Variants in TENM1 observed in about 807,000 individuals in gnomAD.
TENM1 encodes teneurin transmembrane protein 1, also known as teneurin-1.
TENM1 carries 35 observed loss-of-function variants against 174.8 expected under a neutral mutation model. The ratio of observed to expected loss-of-function variants is 0.20; its 90% confidence interval spans 0.15 to 0.27. TENM1 has a LOEUF of 0.27. TENM1 is among the 10% of genes least tolerant of loss of function. TENM1 has a pLI of 1.00. For synonymous variants in TENM1, 781 were observed against 798.7 expected, an observed-to-expected ratio of 0.98 and a Z score of 0.37; for missense variants, 1,633 against 2,130.1, an observed-to-expected ratio of 0.77 and a Z score of 4.59.
At chrX:124,547,540 C>A (rs1233546115) in intron 14 of TENM1, among the ~76,000 whole-genome samples, 1 of 111,945 alleles carries the variant, frequency 8.9e-6, no homozygotes, top group African/African-American at 3.2e-5. Context: ...AAAAAATCCT[C>A]CCAATATTGT....
chrX:124,936,003 G>T (rs2058239516), intron 1 of TENM1, among the ~76,000 whole-genome samples: 1 of 111,641 alleles, frequency 9.0e-6, no homozygotes. Context: ...GCAGTAACTT[G>T]ATAACTGATT....
exon 5 of TENM1, chrX:124,705,168 A>C (rs2052869496): frequency 1.7e-6 from 2 of 1,211,422 alleles, no homozygotes; most frequent in East Asian, 5.9e-5. Flanking sequence ...GGGCGAGTAC[A>C]CGGTATTGGA....
intron 3 of TENM1, among the ~76,000 whole-genome samples, chrX:124,891,576 T>A (rs959585313): frequency 1.8e-5 from 2 of 109,436 alleles, no homozygotes; most frequent in African/African-American, 6.7e-5. Context: ...GGAGAATCAT[T>A]TGAACCCAGG....
At chrX:124,977,426 TTGA>T in the TENM1 span, among the ~76,000 whole-genome samples, 18 of 111,762 alleles carry the variant, frequency 1.6e-4, no homozygotes, top group Admixed American at 2.9e-4. Context: ...GTTTTTGTTG[TTGA>T]TATGTTTACT....
chrX:124,599,645 C>T (rs1012053047), intron 11 of TENM1, among the ~76,000 whole-genome samples: 5 of 111,040 alleles, frequency 4.5e-5, no homozygotes, highest in African/African-American at 1.3e-4. Flanking sequence ...GAGTTTTCCA[C>T]GATTAGGAGT....
exon 5 of TENM1, chrX:124,705,025 C>G: frequency 8.3e-7 from 1 of 1,205,111 alleles, no homozygotes; most frequent in Non-Finnish European, 1.1e-6. Flanking sequence ...ATCACATAGG[C>G]TAGTAACAAG....
the TENM1 span, among the ~76,000 whole-genome samples, chrX:124,991,411 T>C: frequency 2.7e-5 from 3 of 110,351 alleles, no homozygotes; most frequent in African/African-American, 9.9e-5. Context: ...CACTAAAGGC[T>C]AGCTATGCCC....
At chrX:124,418,597 G>A (rs1294511948) in intron 25 of TENM1, among the ~76,000 whole-genome samples, 1 of 111,533 alleles carries the variant, frequency 9.0e-6, no homozygotes, top group Non-Finnish European at 1.9e-5. Context: ...ATAAAAGTAG[G>A]GATTTTTATC....
intron 3 of TENM1, among the ~76,000 whole-genome samples, chrX:124,848,804 T>C (rs1395544174): frequency 9.0e-6 from 1 of 111,339 alleles, no homozygotes; most frequent in Non-Finnish European, 1.9e-5. Context: ...TAAAAAAGAA[T>C]AAAGCAAGTT....
chrX:125,201,761 A>G, the TENM1 span, among the ~76,000 whole-genome samples: 1 of 111,896 alleles, frequency 8.9e-6, no homozygotes, highest in African/African-American at 3.2e-5. Flanking sequence ...AAAGTTTTCA[A>G]CATTATTTTG....
the TENM1 span, among the ~76,000 whole-genome samples, chrX:125,117,086 C>T: frequency 1.1e-4 from 12 of 109,794 alleles, no homozygotes; most frequent in Admixed American, 9.7e-4. Context: ...TGCTTTTACA[C>T]CATTGGTGGG....
At chrX:125,121,133 G>A in the TENM1 span, among the ~76,000 whole-genome samples, 2,589 of 111,814 alleles carry the variant, frequency 0.023, 210 homozygotes, top group Admixed American at 0.22. Flanking sequence ...TTGATAACGT[G>A]ACAAGGTTTA....
chrX:124,894,783 C>T (rs1267799586), intron 2 of TENM1, among the ~76,000 whole-genome samples: 1 of 111,447 alleles, frequency 9.0e-6, no homozygotes, highest in Admixed American at 9.6e-5. Flanking sequence ...AACTGAAAGA[C>T]GAAACCCAGA....
chrX:124,465,670 G>T (rs954821377), intron 22 of TENM1, among the ~76,000 whole-genome samples: 3 of 110,675 alleles, frequency 2.7e-5, no homozygotes, highest in African/African-American at 9.9e-5. Context: ...TCCTTTTTCA[G>T]ATTCCTTCCT....
intron 1 of TENM1, among the ~76,000 whole-genome samples, chrX:124,955,229 T>C (rs1481004810): frequency 2.8e-5 from 3 of 107,871 alleles, no homozygotes; most frequent in East Asian, 2.8e-4. Flanking sequence ...TGGATGCACA[T>C]TGGCATCCCC....
At chrX:124,820,381 A>G (rs1181719429) in intron 3 of TENM1, among the ~76,000 whole-genome samples, 1 of 111,542 alleles carries the variant, frequency 9.0e-6, no homozygotes, top group Non-Finnish European at 1.9e-5. Context: ...GTTCTCTCCA[A>G]TTCAACTGAT....
intron 6 of TENM1, among the ~76,000 whole-genome samples, chrX:124,669,371 T>C (rs2051863738): frequency 9.0e-6 from 1 of 111,358 alleles, no homozygotes; most frequent in African/African-American, 3.3e-5. Context: ...GAAAACAATT[T>C]AGGAAGAATG....
In TENM1 at chrX:124,811,515, C is replaced by T. The variant is rs764701529; in HGVS notation, c.536-74318G>A. Among the ~76,000 whole-genome samples, 10 of 111,396 alleles carry T rather than the reference C, an allele frequency of 9.0e-5. No individual in the cohort carries two copies. The South Asian group carries it at 3.0e-3, about 33-fold the overall frequency. On this transcript the variant is annotated intron_variant, in intron 3 of 31. Coordinates refer to ENST00000422452, the Ensembl canonical transcript of TENM1. ...TATTATAAAAAAAGACAAAAGATAA[C>T]GAGTGTTGGCAAGGACGTGGAGAAA...
At chrX:124,547,483 T>C (rs2048457830) in intron 14 of TENM1, among the ~76,000 whole-genome samples, 1 of 112,435 alleles carries the variant, frequency 8.9e-6, no homozygotes, top group African/African-American at 3.2e-5. Context: ...AGTACATCTA[T>C]GAGCACACAA....
Sources: allele counts gnomAD v4.1 joint callset (sites outside exome capture counted in the v4.1 genomes callset), GRCh38; gene constraint gnomAD v4.1.1; transcripts MANE v1.5; gene names NCBI Gene and HGNC (gene_info 2026-07-23, HGNC 2026-07-21).